TTN: variants seen among roughly 807,000 people sequenced by gnomAD.
TTN encodes titin.
A neutral mutation model predicts 3,223.0 loss-of-function variants in TTN; 1,525 were observed. That is an observed-to-expected ratio of 0.47 (90% CI 0.45 to 0.49). TTN has a LOEUF of 0.49. TTN is among the 20% of genes least tolerant of loss of function. The pLI, the probability that TTN is intolerant of heterozygous loss-of-function variation, is 0.00. For synonymous variants in TTN, 14,094 were observed against 15,161.0 expected (o/e 0.93, Z 5.17); for missense variants, 40,786 against 43,424.0 (o/e 0.94, Z 5.40).
At chr2:178,795,375 C>A in intron 6 of TTN, 123 bp from the exon 7 acceptor site, 1 of 837,836 alleles carries the variant, frequency 1.2e-6, no homozygotes, top group South Asian at 1.4e-5. Context: ...CTCCATAACC[C>A]ATTCAGAGGG....
chr2:178,805,508 G>A lies in TTN; in HGVS notation c.-13-853C>T, dbSNP rs16866539. Among the ~76,000 whole-genome samples the A allele has an allele frequency of 5.8e-3, 884 of 152,134 alleles. 6 individuals carry two copies. The highest frequency in any genetic ancestry group is 0.02 in the African/African-American group (846 of 41,508). On this transcript the variant is annotated intron_variant, in intron 1 of 362. Coordinates refer to ENST00000589042, the MANE Select transcript of TTN (RefSeq NM_001267550.2). ...ATCTGATTACTTAAAATAGTTGCCA[G>A]AAGTAAAAATCTGAACTTTGTAATC...
chr2:178,801,907 A>G (rs554039405), intron 3 of TTN, among the ~76,000 whole-genome samples: 3 of 152,216 alleles, frequency 2.0e-5, no homozygotes, highest in Non-Finnish European at 4.4e-5. Flanking sequence ...TTGAGTGTTT[A>G]ATATGTGTAT....
At position 178,624,649 on chromosome 2, in the gene TTN, G is replaced by A; in HGVS notation, c.44631C>T (p.Ser14877=). The part of the protein sequence containing the change: ...GATAVLECEV[S]RENAKVKWFK... ...ACCATTTCACCTTAGCATTTTCTCT[G>A]GAGACTTCACACTCCAGCACTGCAG... The change falls in exon 242 of 363, where the codon TCC becomes TCT. Residue 14877 remains serine, a synonymous_variant. Transcript: ENST00000589042. 1 of 1,612,432 alleles carries A rather than the reference G, an allele frequency of 6.2e-7. No individual in the cohort carries two copies. Among genetic ancestry groups the A allele is most frequent in the Non-Finnish European group, 8.5e-7 (1 of 1,179,076 alleles).
rs375888723 is a variant in TTN, at chr2:178,610,388, G to A, written c.51138C>T (p.Gly17046=). ...TAATATCTTTGCATGGTCCAGGTAG[G>A]CCTATTACAAAAATGGATAATTATT... ...ATASINVKVI[G]LPGPCKDIKA... The change falls in exon 271 of 363, where the codon GGC becomes GGT. Residue 17046 remains glycine (G), a splice_region_variant and synonymous_variant. Transcript: ENST00000589042. The A allele has an allele frequency of 6.2e-7, 1 of 1,605,952 alleles. No individual in the cohort carries two copies. Among genetic ancestry groups the A allele is most frequent in the Non-Finnish European group, 8.5e-7 (1 of 1,177,628 alleles).
At chr2:178,764,042 GT>G in intron 43 of TTN, 134 bp downstream of exon 43, 1 of 1,336,606 alleles carries the variant, frequency 7.5e-7, no homozygotes, top group South Asian at 1.2e-5. Context: ...ATTGAAATAA[GT>G]TTTCTGTTAG....
At chr2:178,788,100 C>T (rs1412192727) in intron 13 of TTN, among the ~76,000 whole-genome samples, 1 of 152,050 alleles carries the variant, frequency 6.6e-6, no homozygotes, top group African/African-American at 2.4e-5. Context: ...ACTAGAAGCA[C>T]AATTCACGAC....
chr2:178,527,104 G>T lies in TTN; in HGVS notation c.107884C>A (p.Gln35962Lys). ...DLTTLIIMDV[Q>K]KQDGGLYTLS... ...GTATAAAGTCCACCATCTTGTTTCT[G>T]TACGTCCATGATGATCAGGGTTGTC... Residue 35962 changes from glutamine to lysine, a missense_variant, in exon 363 of 363, where the codon CAG becomes AAG. Coordinates refer to ENST00000589042, the MANE Select transcript of TTN (RefSeq NM_001267550.2). 1 of 1,613,930 alleles carries T rather than the reference G, an allele frequency of 6.2e-7. No homozygotes were observed. Among genetic ancestry groups the T allele is most frequent in the Non-Finnish European group, 8.5e-7 (1 of 1,179,852 alleles).
Position 178,546,915 on chromosome 2 carries a change from A to G in TTN, c.94523-10T>C. The stretch of plus-strand genomic sequence containing the variant: ...GGTCTGCCTGGTGCATCTGGAAGGG[A>G]TGCAAAAATAAGGTTAAAATATACC... On this transcript the variant is annotated splice_polypyrimidine_tract_variant and intron_variant, in intron 340 of 362. Coordinates refer to ENST00000589042, the MANE Select transcript of TTN (RefSeq NM_001267550.2). The G allele has an allele frequency of 6.4e-7, 1 of 1,573,586 alleles. No individual in the cohort carries two copies. Among genetic ancestry groups the G allele is most frequent in the Non-Finnish European group, 8.6e-7 (1 of 1,158,138 alleles).
chr2:178,598,554 A>T lies in TTN; in HGVS notation c.57063T>A (p.Thr19021=). Residue 19021 remains threonine, a synonymous_variant, in exon 292 of 363, where the codon ACT becomes ACA. Coordinates refer to ENST00000589042, the MANE Select transcript of TTN (RefSeq NM_001267550.2). ...PPLKDGGSKV[T]GYIVEYKEEG... ...CTTCTTTATATTCAACGATGTATCC[A>T]GTTACTTTGGATCCACCATCTTTTA... is the stretch of plus-strand genomic sequence containing the variant. 1.9e-6 allele frequency: 3 copies of T among 1,609,028 alleles called. No homozygotes were observed. Among genetic ancestry groups the T allele is most frequent in the Non-Finnish European group, 2.5e-6 (3 of 1,178,734 alleles).
Position 178,552,731 on chromosome 2 carries a change from C to G in TTN, c.90169G>C (p.Asp30057His). 1 of 1,613,974 alleles carries G rather than the reference C, an allele frequency of 6.2e-7. No homozygotes were observed. Among genetic ancestry groups the G allele is most frequent in the Non-Finnish European group, 8.5e-7 (1 of 1,179,846 alleles). Residue 30057 changes from aspartate to histidine, a missense_variant, in exon 335 of 363, where the codon GAT becomes CAT. By Grantham distance (81) the Asp-to-His change is moderately conservative. Transcript: ENST00000589042. ...TATTCTGTGATGACGCTACCACCAT[C>G]AAAGTCAGGTTTGGTCCAGCTGAGG... ...VILSWTKPDF[D>H]GGSVITEYVV...
chr2:178,581,566 G>T lies in TTN; in HGVS notation c.66702C>A (p.Ala22234=), dbSNP rs371802557. 5.6e-6 allele frequency: 9 copies of T among 1,612,352 alleles called. No individual in the cohort carries two copies. In the East Asian group the frequency reaches 2.0e-4, roughly 36 times the overall value. Residue 22234 remains alanine (A), a synonymous_variant, in exon 316 of 363, where the codon GCC becomes GCA. Coordinates refer to ENST00000589042, the MANE Select transcript of TTN (RefSeq NM_001267550.2). The stretch of plus-strand genomic sequence containing the variant: ...GGTCACTGTATCCAATCTTATTAAC[G>T]GCATACACACGGAATTGATATTGTG... The part of the protein sequence containing the change: ...EDTQYQFRVY[A]VNKIGYSDPS...
intron 278 of TTN, among the ~76,000 whole-genome samples, chr2:178,606,776 G>A (rs900047297): frequency 6.6e-6 from 1 of 151,948 alleles, no homozygotes; most frequent in South Asian, 2.1e-4. Flanking sequence ...TTAAGCCCCT[G>A]TAGATCCAAG....
rs1267912817 is a variant in TTN at position 178,530,519 on chromosome 2, C to T, written c.106096G>A (p.Gly35366Arg). 1 of 1,613,952 alleles carries T rather than the reference C, an allele frequency of 6.2e-7. No homozygotes were observed. The highest frequency in any genetic ancestry group is 8.5e-7 in the Non-Finnish European group (1 of 1,179,876). ...AATTGTAAGTTGGTTTTAGACGTTC[C>T]ACCTTCACCAGAAATCTCACAAACA... ...EYVCEISGEG[G>R]TSKTNLQFMG... Residue 35366 changes from glycine (G) to arginine (R), a missense_variant, in exon 358 of 363, where the codon GGA becomes AGA. By Grantham distance (125) the Gly-to-Arg change is moderately radical. Transcript: ENST00000589042.
In TTN at chr2:178,552,726, A is replaced by G. The variant is rs770871350; in HGVS notation, c.90174T>C (p.Gly30058=). 1.2e-6 allele frequency: 2 copies of G among 1,613,896 alleles called. No individual in the cohort carries two copies. ...ILSWTKPDFD[G]GSVITEYVVE... is the part of the protein sequence containing the mutation. ...CAACATATTCTGTGATGACGCTACC[A>G]CCATCAAAGTCAGGTTTGGTCCAGC... The change falls in exon 335 of 363, where the codon GGT becomes GGC. Residue 30058 remains glycine, a synonymous_variant. Transcript: ENST00000589042.
chr2:178,592,804 G>C lies in TTN; in HGVS notation c.59315C>G (p.Pro19772Arg), dbSNP rs72646840. 6.2e-7 allele frequency: 1 copy of C among 1,613,350 alleles called. No individual in the cohort carries two copies. Among genetic ancestry groups the C allele is most frequent in the African/African-American group, 1.3e-5 (1 of 74,884 alleles). ...CCTGTCTTTTACTAGGACTGGCTCC[G>C]GAACATGAGCTGGATCTGATTCACC... is the stretch of plus-strand genomic sequence containing the variant. Reference protein sequence around the residue: ...AAGESDPAHVPEPVLVKDRLE... With the variant: ...AAGESDPAHVREPVLVKDRLE... Residue 19772 changes from proline to arginine, a missense_variant, in exon 300 of 363, where the codon CCG becomes CGG. Physicochemically the swap from Pro to Arg is moderately radical, Grantham distance 103. Coordinates refer to ENST00000589042, the MANE Select transcript of TTN (RefSeq NM_001267550.2).
rs747663143 is a variant in TTN, at chr2:178,594,289, T to C, written c.58151-47A>G. 3.8e-6 allele frequency: 6 copies of C among 1,595,872 alleles called. No individual in the cohort carries two copies. The Admixed American group carries it at 1.1e-4, about 29-fold the overall frequency. ...GCAAGTCATTTTTATTGATGTCTTA[T>C]TACAAATCTACAAATGTGCAAGTTT... On this transcript the variant is annotated intron_variant, in intron 296 of 362. Coordinates refer to ENST00000589042, the MANE Select transcript of TTN (RefSeq NM_001267550.2).
chr2:178,672,818 T>C (rs1285361539), intron 152 of TTN, 115 bp from the exon 153 acceptor site: 1 of 776,948 alleles, frequency 1.3e-6, no homozygotes, highest in East Asian at 2.7e-5. Context: ...GAAGTCACTC[T>C]GTACTGTGGG....
chr2:178,540,135 A>G lies in TTN; in HGVS notation c.98031T>C (p.Ala32677=). 2 of 1,613,186 alleles carry G rather than the reference A, an allele frequency of 1.2e-6. No individual in the cohort carries two copies. Among genetic ancestry groups the G allele is most frequent in the Non-Finnish European group, 1.7e-6 (2 of 1,179,250 alleles). Residue 32677 remains alanine, a synonymous_variant, in exon 351 of 363, where the codon GCT becomes GCC. Transcript: ENST00000589042. ...GCTCACCAGGTCCACCAGCATTACA[A>G]GCTAGGACGCGGAACCTGTATTCTG... ...QGAEYRFRVL[A]CNAGGPGEPA...
At position 178,694,635 on chromosome 2, in the gene TTN, G is replaced by T. The variant is rs374555701; in HGVS notation, c.31390C>A (p.Arg10464=). The T allele has an allele frequency of 4.5e-6, 7 of 1,559,854 alleles. No homozygotes were observed. In the African/African-American group the frequency reaches 5.4e-5, roughly 12 times the overall value. The change falls in exon 117 of 363, where the codon CGG becomes AGG. Residue 10464 remains arginine (R), a synonymous_variant. Coordinates refer to ENST00000589042, the MANE Select transcript of TTN (RefSeq NM_001267550.2). ...SKKIVPQKPS[R]TPVQEEVIEV... is the part of the protein sequence containing the mutation. ...ATAACTTCTTCCTGTACTGGAGTCC[G>T]GGAAGGTTTTTGTGGAACAATCTTC...
Sources: gnomAD v4.1 joint callset for allele counts (sites outside exome capture counted in the v4.1 genomes callset) on GRCh38, gnomAD v4.1.1 for gene constraint, MANE v1.5 for transcripts, NCBI Gene and HGNC (gene_info 2026-07-23, HGNC 2026-07-21) for gene names.